The following SLC5A8 variants were observed in gnomAD, a reference collection of about 807,000 sequenced individuals.
SLC5A8 encodes sodium-coupled monocarboxylate transporter 1.
In SLC5A8, 55 loss-of-function variants were observed where a neutral mutation model predicts 71.9. The ratio of observed to expected loss-of-function variants is 0.77; its 90% CI spans 0.62 to 0.96. The LOEUF (loss-of-function observed/expected upper bound fraction) is 0.96. Among genes scored for constraint, SLC5A8 ranks in the 40% least tolerant of loss-of-function variants. SLC5A8 has a pLI of 0.00. For synonymous variants in SLC5A8, 307 were observed against 276.1 expected, an observed-to-expected ratio of 1.11 and a Z score of -1.11; for missense variants, 701 against 745.3, an observed-to-expected ratio of 0.94 and a Z score of 0.69.
intron 5 of SLC5A8, among the ~76,000 whole-genome samples, chr12:101,191,378 C>T (rs1298375611): frequency 6.6e-6 from 1 of 152,124 alleles, no homozygotes; most frequent in East Asian, 1.9e-4. Context: ...TGGAGACTTC[C>T]TTAAAATTAT....
intron 11 of SLC5A8, among the ~76,000 whole-genome samples, chr12:101,167,121 A>G (rs549899820): frequency 4.6e-4 from 70 of 152,360 alleles, no homozygotes; most frequent in Admixed American, 7.8e-4. Context: ...AACAAATGCC[A>G]AATATCAAAA....
At chr12:101,204,442 T>C (rs974954205) in intron 2 of SLC5A8, 58 bp downstream of exon 2, 2 of 1,420,590 alleles carry the variant, frequency 1.4e-6, no homozygotes, top group Non-Finnish European at 2.0e-6. Context: ...TTAATCCAGA[T>C]GCCATGGTTA....
intron 9 of SLC5A8, among the ~76,000 whole-genome samples, chr12:101,181,921 G>C (rs1020748881): frequency 3.3e-5 from 5 of 152,110 alleles, no homozygotes; most frequent in African/African-American, 1.2e-4. Context: ...GCTACTAATG[G>C]GGTATAATTT....
chr12:101,170,899 A>G (rs895064716), intron 10 of SLC5A8, among the ~76,000 whole-genome samples: 2 of 152,170 alleles, frequency 1.3e-5, no homozygotes, highest in Non-Finnish European at 2.9e-5. Context: ...GGGTGGTCCT[A>G]GTTAACCAGC....
intron 1 of SLC5A8, among the ~76,000 whole-genome samples, chr12:101,207,171 G>A (rs1246673831): frequency 1.3e-5 from 2 of 152,372 alleles, no homozygotes; most frequent in East Asian, 3.9e-4. Context: ...GTGGATGCCT[G>A]CAGTGTGCCC....
chr12:101,178,551 A>G (rs1041111487), intron 10 of SLC5A8, among the ~76,000 whole-genome samples: 2 of 152,182 alleles, frequency 1.3e-5, no homozygotes, highest in African/African-American at 4.8e-5. Context: ...GAAGGTGTAA[A>G]GGCAGGTCAA....
In SLC5A8 at chr12:101,162,084, G is replaced by C. The variant is rs1353572499; in HGVS notation, c.1527-7C>G. On this transcript the variant is annotated splice_region_variant and splice_polypyrimidine_tract_variant and intron_variant, in intron 12 of 14. Transcript: ENST00000536262. Reference sequence around the variant, plus strand: ...GTTATCCATCAGTGGAGTCCTAAGAGAGCAAAAACACAACGGTAAGATTTC... The same window carrying C: ...GTTATCCATCAGTGGAGTCCTAAGACAGCAAAAACACAACGGTAAGATTTC... 3 of 1,591,948 alleles carry C rather than the reference G, an allele frequency of 1.9e-6. No homozygotes were observed. Among genetic ancestry groups the C allele is most frequent in the Non-Finnish European group, 2.6e-6 (3 of 1,160,378 alleles).
At chr12:101,185,869 C>T (rs575877732) in intron 7 of SLC5A8, among the ~76,000 whole-genome samples, 36 of 152,238 alleles carry the variant, frequency 2.4e-4, no homozygotes, top group Admixed American at 2.2e-3. Context: ...TGAGCCACCA[C>T]GACTGAGCGA....
rs554437674 is a variant in SLC5A8 at position 101,204,407 on chromosome 12, T to C, written c.417+93A>G. 914 of 1,088,294 alleles carry C rather than the reference T, an allele frequency of 8.4e-4. 2 individuals carry two copies. Among genetic ancestry groups the C allele is most frequent in the Non-Finnish European group, 1.0e-3 (769 of 734,702 alleles). 67.4% of individuals were successfully genotyped at this position (1,088,294 alleles called of 1,614,324 possible). A position where few individuals can be genotyped will look rare whatever the true frequency, so the allele number is the denominator to read the frequency against. On this transcript the variant is annotated intron_variant, in intron 2 of 14. Coordinates refer to ENST00000536262, the MANE Select transcript of SLC5A8 (RefSeq NM_145913.5). ...TCATTTTTTCAACATCTCTTTTTTG[T>C]CTTTTATGTGATTCCCAGGTAAGCT...
At chr12:101,177,497 ACAC>A (rs2051891942) in intron 10 of SLC5A8, among the ~76,000 whole-genome samples, 1 of 151,598 alleles carries the variant, frequency 6.6e-6, no homozygotes, top group African/African-American at 2.4e-5. Flanking sequence ...GCACACACAC[ACAC>A]CACTACAGAT....
chr12:101,204,547 TAAA>T lies in SLC5A8; in HGVS notation c.367_369del (p.Phe123del). 1 of 1,600,636 alleles carries T rather than the reference TAAA, an allele frequency of 6.2e-7. No individual in the cohort carries two copies. The highest frequency in any genetic ancestry group is 1.7e-5 in the Admixed American group (1 of 57,238). On this transcript the variant is annotated inframe_deletion, in exon 2 of 15. Transcript: ENST00000536262. ...GTTCCACAGAGACGAACACATTTGTTAAATCGAAGTTCTAAATACTGTTGCAAA... is the reference window on the plus strand; with the variant it reads ...GTTCCACAGAGACGAACACATTTGTTTCGAAGTTCTAAATACTGTTGCAAA...
chr12:101,158,032 G>A (rs74325584), intron 14 of SLC5A8, among the ~76,000 whole-genome samples: 2,509 of 152,272 alleles, frequency 0.016, 31 homozygotes, highest in South Asian at 0.041. Flanking sequence ...ACACAGATAA[G>A]CAATAGGTAT....
chr12:101,168,230 T>C (rs1168537197), intron 10 of SLC5A8, 48 bp from the exon 11 acceptor site: 2 of 1,496,440 alleles, frequency 1.3e-6, no homozygotes, highest in Admixed American at 4.2e-5. Context: ...AAATCGAAAC[T>C]CAAATATTTC....
chr12:101,155,997 T>C lies in SLC5A8; in HGVS notation c.*1282A>G, dbSNP rs1243055704. The C allele has an allele frequency of 6.6e-6, 1 of 152,120 alleles. No homozygotes were observed. The highest frequency in any genetic ancestry group is 1.5e-5 in the Non-Finnish European group (1 of 68,020). 9.4% of individuals were successfully genotyped at this position (152,120 alleles called of 1,614,324 possible). A position where few individuals can be genotyped will look rare whatever the true frequency, so the allele number is the denominator to read the frequency against. On this transcript the variant is annotated 3_prime_UTR_variant, in exon 15 of 15. Coordinates refer to ENST00000536262, the MANE Select transcript of SLC5A8 (RefSeq NM_145913.5). ...AAGAACTTTTAAACAGTATCTAATG[T>C]GGGAACTGTACAAAAAATAAGTTAT...
At chr12:101,185,349 A>G (rs893902104) in intron 7 of SLC5A8, among the ~76,000 whole-genome samples, 1 of 152,230 alleles carries the variant, frequency 6.6e-6, no homozygotes, top group African/African-American at 2.4e-5. Context: ...ATAGTGTTAT[A>G]AAAAGGTCCA....
At chr12:101,193,594 G>A (rs1440410006) in intron 5 of SLC5A8, 31 bp downstream of exon 5, 4 of 1,582,752 alleles carry the variant, frequency 2.5e-6, no homozygotes, top group African/African-American at 1.4e-5. Context: ...TACAAAAGAT[G>A]TGTTCAGTTA....
chr12:101,181,115 AT>A (rs2051928206), intron 9 of SLC5A8, among the ~76,000 whole-genome samples: 1 of 152,176 alleles, frequency 6.6e-6, no homozygotes, highest in South Asian at 2.1e-4. Flanking sequence ...CCATCATAAA[AT>A]TTTTGTATTC....
At chr12:101,185,440 G>A (rs1868591010) in intron 7 of SLC5A8, among the ~76,000 whole-genome samples, 1 of 152,158 alleles carries the variant, frequency 6.6e-6, no homozygotes, top group South Asian at 2.1e-4. Flanking sequence ...TCAAGTATAG[G>A]TAGAACCAAT....
chr12:101,168,866 G>A (rs2051798776), intron 10 of SLC5A8, among the ~76,000 whole-genome samples: 2 of 152,172 alleles, frequency 1.3e-5, no homozygotes, highest in African/African-American at 4.8e-5. Flanking sequence ...CTTAAGAATG[G>A]ACACAACCAT....
Sources: gnomAD v4.1 joint callset for allele counts (sites outside exome capture counted in the v4.1 genomes callset) on GRCh38, gnomAD v4.1.1 for gene constraint, MANE v1.5 for transcripts, NCBI Gene and HGNC (gene_info 2026-07-23, HGNC 2026-07-21) for gene names.